The following ADGRL2 variants were observed in gnomAD, a reference collection of about 807,000 sequenced individuals.
The protein encoded by ADGRL2 is calcium-independent alpha-latrotoxin receptor 2.
A neutral mutation model predicts 157.4 loss-of-function variants in ADGRL2; 44 were observed. The observed-to-expected ratio is 0.28, with a 90% CI of 0.22 to 0.36. ADGRL2 has a LOEUF of 0.36. Among genes scored for constraint, ADGRL2 ranks in the 10% least tolerant of loss-of-function variants. ADGRL2 has a pLI of 1.00. For missense variants in ADGRL2, 1,510 were observed against 1,768.9 expected, an observed-to-expected ratio of 0.85 and a Z score of 2.63; for synonymous variants, 585 against 624.7, an observed-to-expected ratio of 0.94 and a Z score of 0.95.
At chr1:81,762,003 T>C (rs2085897381) in intron 2 of ADGRL2, among the ~76,000 whole-genome samples, 1 of 152,136 alleles carries the variant, frequency 6.6e-6, no homozygotes, top group African/African-American at 2.4e-5. Flanking sequence ...AAATGGATGC[T>C]GTATTCAAAT....
intron 3 of ADGRL2, among the ~76,000 whole-genome samples, chr1:81,648,505 T>C (rs2082354879): frequency 6.6e-6 from 1 of 152,204 alleles, no homozygotes; most frequent in Admixed American, 6.5e-5. Flanking sequence ...GGAAAAGACA[T>C]ATCTTTCTTC....
At chr1:81,375,785 G>C (rs951678768) in intron 1 of ADGRL2, among the ~76,000 whole-genome samples, 5 of 152,000 alleles carry the variant, frequency 3.3e-5, no homozygotes, top group African/African-American at 9.7e-5. Context: ...CCTTGCACTA[G>C]ATTCAAGCTA....
At chr1:81,776,229 C>T (rs1014803418) in intron 2 of ADGRL2, among the ~76,000 whole-genome samples, 6 of 150,842 alleles carry the variant, frequency 4.0e-5, no homozygotes, top group African/African-American at 1.5e-4. Flanking sequence ...CACTCTGTCG[C>T]CTAGGCTGGA....
intron 1 of ADGRL2, among the ~76,000 whole-genome samples, chr1:81,439,696 ACAGTG>A (rs1411470417): frequency 6.6e-6 from 1 of 152,236 alleles, no homozygotes; most frequent in African/African-American, 2.4e-5. Flanking sequence ...AGGAGGTTTT[ACAGTG>A]CTCCTTTAGT....
intron 2 of ADGRL2, among the ~76,000 whole-genome samples, chr1:81,878,674 T>C (rs17468812): frequency 3.0e-4 from 46 of 152,278 alleles, no homozygotes; most frequent in African/African-American, 1.1e-3. Context: ...TTGTAATGTG[T>C]CCCTTTCAAA....
At chr1:81,503,398 C>T in intron 2 of ADGRL2, 1 of 1,613,854 alleles carries the variant, frequency 6.2e-7, no homozygotes. Flanking sequence ...CAGCAGCTCT[C>T]ACTGTTCACC....
At chr1:81,564,362 G>A (rs980705734) in intron 2 of ADGRL2, among the ~76,000 whole-genome samples, 1 of 152,316 alleles carries the variant, frequency 6.6e-6, no homozygotes, top group Admixed American at 6.5e-5. Context: ...AGGTGACCAC[G>A]AGGGTTGTAG....
intron 2 of ADGRL2, among the ~76,000 whole-genome samples, chr1:81,763,046 T>TAAAA (rs748864220): frequency 9.5e-5 from 7 of 73,742 alleles, no homozygotes; most frequent in East Asian, 3.9e-4. Context: ...AGACTCCGTC[T>TAAAA]AAAAAAAAAA....
At chr1:81,917,335 C>T (rs1296956692) in intron 3 of ADGRL2, among the ~76,000 whole-genome samples, 1 of 152,122 alleles carries the variant, frequency 6.6e-6, no homozygotes, top group African/African-American at 2.4e-5. Flanking sequence ...TGGCATTTTA[C>T]TAATACATAT....
chr1:81,394,357 C>T (rs1018718590), intron 1 of ADGRL2, among the ~76,000 whole-genome samples: 1 of 151,992 alleles, frequency 6.6e-6, no homozygotes, highest in African/African-American at 2.4e-5. Context: ...CTTTGTCTAT[C>T]CCCCCTCCTC....
At chr1:81,951,899 C>A in intron 8 of ADGRL2, 58 bp from the exon 9 acceptor site, 1 of 1,374,350 alleles carries the variant, frequency 7.3e-7, no homozygotes, top group Non-Finnish European at 9.9e-7. Context: ...TCAAGGAGAA[C>A]TAGAAGCTGT....
At chr1:81,378,913 T>C (rs551456467) in intron 1 of ADGRL2, among the ~76,000 whole-genome samples, 1 of 152,292 alleles carries the variant, frequency 6.6e-6, no homozygotes, top group Non-Finnish European at 1.5e-5. Context: ...TTTCAAGAGA[T>C]GTTATTACTA....
chr1:81,729,387 C>A (rs2084646029), intron 1 of ADGRL2, among the ~76,000 whole-genome samples: 1 of 152,034 alleles, frequency 6.6e-6, no homozygotes, highest in Admixed American at 6.6e-5. Context: ...CTGTATCTTG[C>A]AATTTTAGTA....
intron 1 of ADGRL2, among the ~76,000 whole-genome samples, chr1:81,396,439 G>A (rs113954580): frequency 1.4e-4 from 22 of 152,180 alleles, no homozygotes; most frequent in African/African-American, 4.6e-4. Context: ...CCATGTTCCC[G>A]CAAACAAGGA....
chr1:81,951,927 T>C (rs1240032840), intron 8 of ADGRL2, 30 bp from the exon 9 acceptor site: 6 of 1,535,322 alleles, frequency 3.9e-6, no homozygotes, highest in African/African-American at 1.4e-5. Context: ...AAAAAAAATT[T>C]AAATGAGATA....
intron 6 of ADGRL2, among the ~76,000 whole-genome samples, chr1:81,949,590 T>C (rs1021670700): frequency 6.6e-6 from 1 of 152,202 alleles, no homozygotes; most frequent in Admixed American, 6.5e-5. Flanking sequence ...AAGCCTGAGA[T>C]GTTTCCTTAA....
chr1:81,946,370 G>T, intron 6 of ADGRL2, among the ~76,000 whole-genome samples: 1 of 140,150 alleles, frequency 7.1e-6, no homozygotes. Flanking sequence ...TGAGTTTTGA[G>T]CTCTGTGTGA....
At chr1:81,627,318 G>T (rs978836316) in intron 3 of ADGRL2, among the ~76,000 whole-genome samples, 58 of 152,120 alleles carry the variant, frequency 3.8e-4, no homozygotes, top group African/African-American at 1.3e-3. Flanking sequence ...TTTGTAAAAG[G>T]TTCCCTGCCC....
intron 1 of ADGRL2, among the ~76,000 whole-genome samples, chr1:81,750,409 G>A (rs974252013): frequency 6.6e-6 from 1 of 152,132 alleles, no homozygotes; most frequent in African/African-American, 2.4e-5. Flanking sequence ...CAGACAAGTT[G>A]TTACAAATAT....
Sources: allele counts gnomAD v4.1 joint callset (sites outside exome capture counted in the v4.1 genomes callset), GRCh38; gene constraint gnomAD v4.1.1; transcripts MANE v1.5; gene names NCBI Gene and HGNC (gene_info 2026-07-23, HGNC 2026-07-21).